The following MARK4 variants were observed in gnomAD, a reference collection of about 807,000 sequenced individuals.
The protein encoded by MARK4 is microtubule affinity regulating kinase 4.
MARK4 carries 19 observed loss-of-function variants against 81.5 expected under a neutral mutation model. The ratio of observed to expected loss-of-function variants is 0.23; its 90% CI spans 0.16 to 0.34. The LOEUF is 0.34. Among genes scored for constraint, MARK4 ranks in the 10% least tolerant of loss-of-function variants. The pLI, the probability that MARK4 is intolerant of heterozygous loss-of-function variation, is 1.00. For missense variants in MARK4, 772 were observed against 1,058.8 expected (o/e 0.73, Z 3.76); for synonymous variants, 436 against 439.0 (o/e 0.99, Z 0.08).
rs368718491 is a variant in MARK4 at position 45,278,061 on chromosome 19, C to A, written c.906+19C>A. On this transcript the variant is annotated intron_variant, in intron 9 of 16. Coordinates refer to ENST00000262891, the MANE Select transcript of MARK4 (RefSeq NM_001199867.2). ...TCTCGAGGTGAGCCCAGCCTCACAG[C>A]CAGCGGGAGCCCTTCTAGTCTCCTG... The A allele has an allele frequency of 1.7e-5, 27 of 1,611,902 alleles. No individual in the cohort carries two copies. Among genetic ancestry groups the A allele is most frequent in the African/African-American group, 2.7e-5 (2 of 74,842 alleles).
intron 12 of MARK4, among the ~76,000 whole-genome samples, chr19:45,287,243 G>C (rs1970755206): frequency 6.6e-6 from 1 of 151,080 alleles, no homozygotes; most frequent in African/African-American, 2.4e-5. Context: ...TGAATGGCCT[G>C]TATGTGCATG....
At chr19:45,277,481 T>C (rs936457982) in intron 8 of MARK4, among the ~76,000 whole-genome samples, 1 of 148,306 alleles carries the variant, frequency 6.7e-6, no homozygotes, top group Non-Finnish European at 1.5e-5. Context: ...TTCAGGCTGG[T>C]CTTGAACTCC....
At chr19:45,269,100 G>A (rs947816477) in intron 7 of MARK4, among the ~76,000 whole-genome samples, 1 of 152,220 alleles carries the variant, frequency 6.6e-6, no homozygotes, top group African/African-American at 2.4e-5. Flanking sequence ...TCCCTGGCCT[G>A]GCGTGACGGC....
chr19:45,265,684 G>T (rs774734736), intron 6 of MARK4, among the ~76,000 whole-genome samples: 27 of 150,200 alleles, frequency 1.8e-4, no homozygotes, highest in Admixed American at 1.2e-3. Flanking sequence ...GGTAAGAGGA[G>T]TTGTGGGTGT....
chr19:45,264,895 A>G lies in MARK4; in HGVS notation c.477A>G (p.Arg159=). Reference sequence around the variant, plus strand: ...GCCGCATGAAGGAGAAGGAAGCTCGAGCCAAGTTCCGACAGGTTGGGGCAG... The same window carrying G: ...GCCGCATGAAGGAGAAGGAAGCTCGGGCCAAGTTCCGACAGGTTGGGGCAG... The part of the protein sequence containing the change: ...SHGRMKEKEA[R]AKFRQIVSAV... Residue 159 remains arginine (R), a synonymous_variant, in exon 6 of 17, where the codon CGA becomes CGG. Coordinates refer to ENST00000262891, the MANE Select transcript of MARK4 (RefSeq NM_001199867.2). 1 of 1,614,066 alleles carries G rather than the reference A, an allele frequency of 6.2e-7. No homozygotes were observed. The highest frequency in any genetic ancestry group is 8.5e-7 in the Non-Finnish European group (1 of 1,179,970).
intron 15 of MARK4, chr19:45,298,182 C>T: frequency 6.2e-7 from 1 of 1,614,144 alleles, no homozygotes; most frequent in Non-Finnish European, 8.5e-7. Context: ...ACTCTAACCG[C>T]TGTGTTTCGG....
At chr19:45,270,248 T>G (rs574989883) in intron 7 of MARK4, among the ~76,000 whole-genome samples, 1 of 152,172 alleles carries the variant, frequency 6.6e-6, no homozygotes, top group Non-Finnish European at 1.5e-5. Flanking sequence ...ACAAGGAAAC[T>G]GAGGCACAGA....
At chr19:45,263,434 G>A in intron 4 of MARK4, 67 bp downstream of exon 4, 6 of 1,602,434 alleles carry the variant, frequency 3.7e-6, no homozygotes, top group Non-Finnish European at 5.1e-6. Flanking sequence ...TGGGGGTGGT[G>A]GCAGTGGTTA....
intron 8 of MARK4, among the ~76,000 whole-genome samples, chr19:45,276,167 C>T (rs1428956634): frequency 6.6e-6 from 1 of 152,172 alleles, no homozygotes; most frequent in East Asian, 1.9e-4. Context: ...GCTGGGACCA[C>T]AGGCATGTGC....
chr19:45,272,744 C>T (rs1229422418), intron 8 of MARK4, among the ~76,000 whole-genome samples: 6 of 151,956 alleles, frequency 3.9e-5, no homozygotes, highest in East Asian at 3.9e-4. Flanking sequence ...AAAAATTAAC[C>T]GGGTGTGGTG....
At chr19:45,299,905 G>A in intron 16 of MARK4, 50 bp downstream of exon 16, 2 of 1,559,260 alleles carry the variant, frequency 1.3e-6, no homozygotes, top group East Asian at 2.3e-5. Context: ...TCCTGCCTCA[G>A]CACCTCCCGA....
chr19:45,291,934 C>CCTGTGTGAGCTGAAGT (rs1970825862), intron 13 of MARK4, among the ~76,000 whole-genome samples: 1 of 152,210 alleles, frequency 6.6e-6, no homozygotes, highest in Non-Finnish European at 1.5e-5. Flanking sequence ...CATAGCCTTG[C>CCTGTGTGAGCTGAAGT]CTGTGTGAGC....
chr19:45,252,312 C>T (rs1970254402), intron 1 of MARK4, among the ~76,000 whole-genome samples: 1 of 152,104 alleles, frequency 6.6e-6, no homozygotes, highest in Non-Finnish European at 1.5e-5. Flanking sequence ...CCCAGCACCC[C>T]GGGGCCCCCA....
intron 1 of MARK4, among the ~76,000 whole-genome samples, chr19:45,256,061 G>A (rs1970303909): frequency 6.6e-6 from 1 of 152,248 alleles, no homozygotes; most frequent in South Asian, 2.1e-4. Context: ...AGCCCTGGGT[G>A]TTTCAGGGGG....
At chr19:45,293,613 A>T (rs1782972102) in intron 13 of MARK4, among the ~76,000 whole-genome samples, 2 of 152,278 alleles carry the variant, frequency 1.3e-5, no homozygotes, top group African/African-American at 4.8e-5. Flanking sequence ...GAATTCTTCC[A>T]AACACTTAAA....
At chr19:45,283,419 A>G (rs1021081232) in intron 12 of MARK4, among the ~76,000 whole-genome samples, 5 of 146,636 alleles carry the variant, frequency 3.4e-5, no homozygotes, top group Non-Finnish European at 7.7e-5. Flanking sequence ...CAAAAAAAAA[A>G]AAAAAAAAAA....
rs932819361 is a variant in MARK4, at chr19:45,258,703, GA to G, written c.52-275del. Among the ~76,000 whole-genome samples, 73 of 144,608 alleles carry G rather than the reference GA, an allele frequency of 5.0e-4. 1 individual carries two copies. Among genetic ancestry groups the G allele is most frequent in the Admixed American group, 1.6e-3 (23 of 14,532 alleles). 94.9% of individuals were successfully genotyped at this position (144,608 alleles called of 152,430 possible). ...TGACAGAGGAAGACTCCATCCGAAGGAAAAAAAAAAAGACAAGGAGGTTGGG... is the reference window on the plus strand; with the variant it reads ...TGACAGAGGAAGACTCCATCCGAAGGAAAAAAAAAAGACAAGGAGGTTGGG... On this transcript the variant is annotated intron_variant, in intron 1 of 16. Transcript: ENST00000262891.
Position 45,271,252 on chromosome 19 carries a change from C to T in MARK4, c.550-220C>T, listed in dbSNP as rs942204071. Among the ~76,000 whole-genome samples, 5 of 152,186 alleles carry T rather than the reference C, an allele frequency of 3.3e-5. No homozygotes were observed. The highest frequency in any genetic ancestry group is 1.2e-4 in the African/African-American group (5 of 41,446). ...ATTAACTCATAATTCTCAAACTACG[C>T]TATGAAATAGGAACTAAGATTATCC... is the stretch of plus-strand genomic sequence containing the variant. On this transcript the variant is annotated intron_variant, in intron 7 of 16. Coordinates refer to ENST00000262891, the MANE Select transcript of MARK4 (RefSeq NM_001199867.2). This position sits in a 1 kb window ranked among gnomAD's most constrained non-coding sequence, Gnocchi z 4.1.
chr19:45,282,277 A>G (rs1285241053), intron 12 of MARK4, among the ~76,000 whole-genome samples: 1 of 151,618 alleles, frequency 6.6e-6, no homozygotes, highest in Non-Finnish European at 1.5e-5. Flanking sequence ...CCCATTAGGC[A>G]TGGAGACTTC....
Sources: allele counts gnomAD v4.1 joint callset (sites outside exome capture counted in the v4.1 genomes callset), GRCh38; gene constraint gnomAD v4.1.1; non-coding constraint Gnocchi (gnomAD v3.1); transcripts MANE v1.5; gene names NCBI Gene and HGNC (gene_info 2026-07-23, HGNC 2026-07-21).